The following RBFOX1 variants were observed in gnomAD, a reference collection of about 807,000 sequenced individuals.
RBFOX1 encodes RNA binding fox-1 homolog 1.
A neutral mutation model predicts 57.7 loss-of-function variants in RBFOX1; 8 were observed. The ratio of observed to expected loss-of-function variants is 0.14; its 90% CI spans 0.08 to 0.25. The LOEUF (loss-of-function observed/expected upper bound fraction) is 0.25, where lower values mean the gene tolerates loss of function less well. Ranked by LOEUF, RBFOX1 falls within the 10% of genes least tolerant of loss-of-function variation. The probability of loss-of-function intolerance (pLI) is 1.00; values close to 1 mark genes in which losing one functional copy is unlikely to be tolerated. For missense variants in RBFOX1, 611 were observed against 548.5 expected (o/e 1.11, Z -1.14); for synonymous variants, 326 against 222.4 (o/e 1.47, Z -4.15).
intron 4 of RBFOX1, among the ~76,000 whole-genome samples, chr16:7,294,542 C>G (rs1245314072): frequency 2.7e-5 from 4 of 148,972 alleles, no homozygotes; most frequent in South Asian, 2.1e-4. Flanking sequence ...AAAAAAAAGA[C>G]TGAAGCAGAA....
intron 4 of RBFOX1, among the ~76,000 whole-genome samples, chr16:7,260,424 C>T (rs1445628757): frequency 3.3e-5 from 5 of 152,060 alleles, no homozygotes; most frequent in Non-Finnish European, 7.4e-5. Context: ...AAAGATCACC[C>T]ACAAAGCTCC....
At position 7,020,244 on chromosome 16, in the gene RBFOX1, T is replaced by TA. The variant is rs2094137726; in HGVS notation, c.-15-31812dup. Reference sequence around the variant, plus strand: ...TTTCTTTCTTTATTTCCTCTTTTTTTAGACAGAATCTTGCCCTGTTACCCA... The same window carrying TA: ...TTTCTTTCTTTATTTCCTCTTTTTTTAAGACAGAATCTTGCCCTGTTACCCA... On this transcript the variant is annotated intron_variant, in intron 3 of 15. Transcript: ENST00000550418. 5.3e-5 allele frequency among the ~76,000 whole-genome samples: 8 copies of TA among 152,294 alleles called. No homozygotes were observed. In the South Asian group the frequency reaches 1.7e-3, roughly 32 times the overall value.
intron 14 of RBFOX1, among the ~76,000 whole-genome samples, chr16:7,703,298 C>G (rs898304964): frequency 2.0e-5 from 3 of 152,224 alleles, no homozygotes; most frequent in Middle Eastern, 3.2e-3. Context: ...AATGCATACT[C>G]TGCAGCCCTT....
intron 4 of RBFOX1, among the ~76,000 whole-genome samples, chr16:7,430,853 G>C (rs1000281935): frequency 2.0e-5 from 3 of 152,176 alleles, no homozygotes; most frequent in Admixed American, 2.0e-4. Flanking sequence ...TAGGAAGGGG[G>C]CTTGGTTATC....
chr16:6,904,275 C>G (rs999838242), intron 3 of RBFOX1, among the ~76,000 whole-genome samples: 1 of 152,092 alleles, frequency 6.6e-6, no homozygotes, highest in Non-Finnish European at 1.5e-5. Flanking sequence ...AACCTGTTCT[C>G]TGTGAGGCAC....
intron 3 of RBFOX1, among the ~76,000 whole-genome samples, chr16:6,972,541 G>C (rs1298674311): frequency 6.6e-6 from 1 of 152,136 alleles, no homozygotes; most frequent in East Asian, 1.9e-4. Context: ...GTGCTGCTTT[G>C]AACATGGGGA....
intron 3 of RBFOX1, among the ~76,000 whole-genome samples, chr16:6,782,363 G>A (rs2081177959): frequency 6.6e-6 from 1 of 152,040 alleles, no homozygotes; most frequent in African/African-American, 2.4e-5. Context: ...AGTATGCTGT[G>A]TTTCTACTAA....
intron 4 of RBFOX1, among the ~76,000 whole-genome samples, chr16:7,396,088 G>A (rs912147377): frequency 6.6e-6 from 1 of 152,090 alleles, no homozygotes; most frequent in African/African-American, 2.4e-5. Flanking sequence ...GGTGCTCTCA[G>A]CTTGTAAGTG....
At chr16:5,568,893 T>G (rs1403314009) in intron 2 of RBFOX1, among the ~76,000 whole-genome samples, 1 of 152,148 alleles carries the variant, frequency 6.6e-6, no homozygotes, top group Non-Finnish European at 1.5e-5. Flanking sequence ...CAGGTTGGAG[T>G]GCAGTGACGC....
At chr16:7,417,389 A>G (rs894727321) in intron 4 of RBFOX1, among the ~76,000 whole-genome samples, 59 of 151,158 alleles carry the variant, frequency 3.9e-4, no homozygotes, top group Non-Finnish European at 7.4e-4. Flanking sequence ...AAAAAAAAAA[A>G]AGAGATGACC....
intron 2 of RBFOX1, among the ~76,000 whole-genome samples, chr16:6,333,469 T>G (rs1567956639): frequency 6.6e-6 from 1 of 152,226 alleles, no homozygotes; most frequent in African/African-American, 2.4e-5. Flanking sequence ...ATTCAGTGTT[T>G]TTTCAAATCT....
At chr16:6,965,395 T>G (rs958541137) in intron 3 of RBFOX1, among the ~76,000 whole-genome samples, 1 of 151,656 alleles carries the variant, frequency 6.6e-6, no homozygotes, top group African/African-American at 2.4e-5. Context: ...CAGGCTGTAG[T>G]GCAGTGGCGT....
intron 3 of RBFOX1, among the ~76,000 whole-genome samples, chr16:6,823,778 A>G (rs1456352291): frequency 6.6e-6 from 1 of 152,168 alleles, no homozygotes; most frequent in East Asian, 1.9e-4. Context: ...TAGTTGTTGC[A>G]GATAGGAAAA....
intron 4 of RBFOX1, among the ~76,000 whole-genome samples, chr16:5,967,486 A>G (rs1437776323): frequency 2.6e-5 from 4 of 152,166 alleles, no homozygotes; most frequent in Non-Finnish European, 4.4e-5. Context: ...ATATTTTATG[A>G]CCATAATCTG....
chr16:6,651,271 G>A (rs529423814), intron 2 of RBFOX1, among the ~76,000 whole-genome samples: 5 of 152,294 alleles, frequency 3.3e-5, no homozygotes, highest in Non-Finnish European at 5.9e-5. Flanking sequence ...TCCATGGAGA[G>A]CATGGCCAGG....
chr16:6,785,920 C>G (rs569844454), intron 3 of RBFOX1, among the ~76,000 whole-genome samples: 1 of 152,208 alleles, frequency 6.6e-6, no homozygotes. Context: ...GGCACTGTGA[C>G]TGAGGAACCT....
At chr16:6,064,843 A>G (rs1168877089) in intron 1 of RBFOX1, among the ~76,000 whole-genome samples, 1 of 151,996 alleles carries the variant, frequency 6.6e-6, no homozygotes, top group Non-Finnish European at 1.5e-5. Context: ...ATGATTTCCA[A>G]ACCTGACATT....
intron 4 of RBFOX1, among the ~76,000 whole-genome samples, chr16:7,351,613 A>G (rs908925908): frequency 1.3e-5 from 2 of 152,164 alleles, no homozygotes; most frequent in East Asian, 1.9e-4. Flanking sequence ...TTGAGCTCAC[A>G]TCCTTTATTG....
chr16:7,685,969 G>C (rs944590362), intron 14 of RBFOX1, among the ~76,000 whole-genome samples: 1 of 152,030 alleles, frequency 6.6e-6, no homozygotes, highest in Non-Finnish European at 1.5e-5. Context: ...CTTACTACAC[G>C]AGATAATTTG....
Sources: allele counts gnomAD v4.1 joint callset (sites outside exome capture counted in the v4.1 genomes callset), GRCh38; gene constraint gnomAD v4.1.1; transcripts MANE v1.5; gene names NCBI Gene and HGNC (gene_info 2026-07-23, HGNC 2026-07-21).